The following LINGO2 variants were observed in gnomAD, a reference collection of about 807,000 sequenced individuals.
The protein encoded by LINGO2 is leucine rich repeat and Ig domain containing 2, also known as leucine-rich repeat and immunoglobulin-like domain-containing nogo receptor-interacting protein 2.
Under a neutral mutation model 30.6 loss-of-function variants are expected in LINGO2, and 14 were observed. The ratio of observed to expected loss-of-function variants is 0.46; its 90% CI spans 0.30 to 0.72. The LOEUF (loss-of-function observed/expected upper bound fraction) is 0.72, where lower values mean the gene tolerates loss of function less well. Ranked by LOEUF, LINGO2 falls within the 30% of genes least tolerant of loss-of-function variation. The pLI is 0.07. For missense variants in LINGO2, 729 were observed against 751.7 expected, an observed-to-expected ratio of 0.97 and a Z score of 0.35; for synonymous variants, 317 against 288.5, an observed-to-expected ratio of 1.10 and a Z score of -1.00.
rs569083091 is a variant in LINGO2 at position 28,565,641 on chromosome 9, T to C, written c.-364-89616A>G. ...ATCTCTGCTCACTGCAAGCTCTGCC[T>C]TCCGGGTTCATGCCATTCTCCTGCC... On this transcript the variant is annotated intron_variant, in intron 1 of 5. Transcript: ENST00000379992. 4.6e-5 allele frequency among the ~76,000 whole-genome samples: 7 copies of C among 150,992 alleles called. No homozygotes were observed. In the East Asian group the frequency reaches 1.4e-3, roughly 30 times the overall value.
chr9:28,311,675 T>G (rs1019428541), intron 3 of LINGO2, among the ~76,000 whole-genome samples: 4 of 152,230 alleles, frequency 2.6e-5, no homozygotes, highest in African/African-American at 9.6e-5. Flanking sequence ...TCTTGTTCCC[T>G]GAACAATGCT....
intron 5 of LINGO2, among the ~76,000 whole-genome samples, chr9:27,955,502 C>A (rs1028941627): frequency 5.3e-5 from 8 of 152,162 alleles, no homozygotes; most frequent in African/African-American, 1.9e-4. Flanking sequence ...AAGCACTGAT[C>A]TGCATTGTCA....
At chr9:29,076,693 G>T in the LINGO2 span, among the ~76,000 whole-genome samples, 1 of 149,522 alleles carries the variant, frequency 6.7e-6, no homozygotes. Flanking sequence ...GACACACAAC[G>T]TAAGGGACAG....
chr9:27,983,058 T>C (rs568739650), intron 5 of LINGO2, among the ~76,000 whole-genome samples: 28 of 151,784 alleles, frequency 1.8e-4, no homozygotes, highest in Non-Finnish European at 2.8e-4. Context: ...GGAAAAATAA[T>C]TTCCTAATAC....
At chr9:29,004,517 T>C in the LINGO2 span, among the ~76,000 whole-genome samples, 1 of 151,956 alleles carries the variant, frequency 6.6e-6, no homozygotes, top group African/African-American at 2.4e-5. Context: ...ACCACATACA[T>C]ATATTATGTA....
chr9:28,856,553 A>G, the LINGO2 span, among the ~76,000 whole-genome samples: 1 of 152,038 alleles, frequency 6.6e-6, no homozygotes, highest in Non-Finnish European at 1.5e-5. Context: ...ACAAGTGAGA[A>G]AGGAGAGTTA....
chr9:28,940,103 C>A, the LINGO2 span, among the ~76,000 whole-genome samples: 2 of 152,088 alleles, frequency 1.3e-5, no homozygotes, highest in South Asian at 4.1e-4. Context: ...CTTTAGTCAT[C>A]CTCTTATTAC....
At chr9:28,199,374 C>G (rs1016143941) in intron 4 of LINGO2, among the ~76,000 whole-genome samples, 5 of 150,348 alleles carry the variant, frequency 3.3e-5, no homozygotes, top group Non-Finnish European at 7.4e-5. Flanking sequence ...GAGTCTCGCT[C>G]TGTCGCCAGG....
At chr9:29,144,359 T>C in the LINGO2 span, among the ~76,000 whole-genome samples, 35,701 of 151,964 alleles carry the variant, frequency 0.23, 4,337 homozygotes, top group East Asian at 0.41. Context: ...GGCAGGATGG[T>C]GATTTTCACA....
intron 1 of LINGO2, among the ~76,000 whole-genome samples, chr9:28,492,770 CT>C (rs1826448515): frequency 6.6e-6 from 1 of 152,092 alleles, no homozygotes; most frequent in African/African-American, 2.4e-5. Context: ...AGGAAAGATC[CT>C]TCACCTGTCC....
intron 4 of LINGO2, among the ~76,000 whole-genome samples, chr9:28,144,197 T>C (rs1827751565): frequency 6.6e-6 from 1 of 152,222 alleles, no homozygotes; most frequent in Admixed American, 6.5e-5. Flanking sequence ...TTTTTGGAAA[T>C]GTATGCTATT....
At position 28,211,174 on chromosome 9, in the gene LINGO2, T is replaced by C. The variant is rs141250739; in HGVS notation, c.-87+84034A>G. On this transcript the variant is annotated intron_variant, in intron 4 of 5. Coordinates refer to ENST00000379992, the Ensembl canonical transcript of LINGO2. ...ATTCAGTCAACATGGACTATACAAA[T>C]ATACACTACTTGTGCTTTTGCAATT... 6.1e-3 allele frequency among the ~76,000 whole-genome samples: 926 copies of C among 151,714 alleles called. 19 individuals are homozygous for C. Among genetic ancestry groups the C allele is most frequent in the African/African-American group, 0.021 (888 of 41,506 alleles).
At chr9:28,400,243 G>C (rs533479540) in intron 2 of LINGO2, among the ~76,000 whole-genome samples, 1 of 152,270 alleles carries the variant, frequency 6.6e-6, no homozygotes, top group Admixed American at 6.5e-5. Context: ...GGATCCAAGT[G>C]CTAGCTCTGT....
At chr9:28,742,284 T>G in the LINGO2 span, among the ~76,000 whole-genome samples, 1 of 116,104 alleles carries the variant, frequency 8.6e-6, no homozygotes, top group Non-Finnish European at 1.9e-5. Flanking sequence ...TTTTTTTTAA[T>G]TTCTGCACTA....
At chr9:28,934,017 G>A in the LINGO2 span, among the ~76,000 whole-genome samples, 1 of 152,178 alleles carries the variant, frequency 6.6e-6, no homozygotes, top group African/African-American at 2.4e-5. Context: ...GGAATCCTCT[G>A]TGGAGGGACA....
the LINGO2 span, among the ~76,000 whole-genome samples, chr9:28,884,265 G>GTC: frequency 6.6e-6 from 1 of 152,034 alleles, no homozygotes; most frequent in Non-Finnish European, 1.5e-5. Context: ...GATGGATTGT[G>GTC]TCTGGCATAT....
chr9:27,954,348 T>G (rs1379966868), intron 5 of LINGO2, among the ~76,000 whole-genome samples: 1 of 152,178 alleles, frequency 6.6e-6, no homozygotes, highest in Non-Finnish European at 1.5e-5. Flanking sequence ...CCTCCCTTGA[T>G]CTTGGCCACA....
chr9:27,984,029 T>G (rs1367589890), intron 5 of LINGO2, among the ~76,000 whole-genome samples: 1 of 151,838 alleles, frequency 6.6e-6, no homozygotes, highest in Non-Finnish European at 1.5e-5. Context: ...AAACAAGGGC[T>G]GTGGAGTTTT....
At chr9:28,294,367 C>CT (rs1196096025) in intron 4 of LINGO2, among the ~76,000 whole-genome samples, 1 of 152,144 alleles carries the variant, frequency 6.6e-6, no homozygotes, top group Non-Finnish European at 1.5e-5. Flanking sequence ...ATTTTACATA[C>CT]TTTTTTCCGT....
Sources: gnomAD v4.1 joint callset for allele counts (sites outside exome capture counted in the v4.1 genomes callset) on GRCh38, gnomAD v4.1.1 for gene constraint, MANE v1.5 for transcripts, NCBI Gene and HGNC (gene_info 2026-07-23, HGNC 2026-07-21) for gene names.